Variants in GRM1 observed in about 807,000 individuals in gnomAD.
The protein encoded by GRM1 is glutamate metabotropic receptor 1, also known as metabotropic glutamate receptor 1.
In GRM1, 33 loss-of-function variants were observed where a neutral mutation model predicts 90.9. The ratio of observed to expected loss-of-function variants is 0.36; its 90% CI spans 0.28 to 0.49. The LOEUF (loss-of-function observed/expected upper bound fraction) is 0.49, where lower values mean the gene tolerates loss of function less well. GRM1 is among the 20% of genes least tolerant of loss of function. The pLI is 0.99. For synonymous variants in GRM1, 700 were observed against 613.2 expected (o/e 1.14, Z -2.09); for missense variants, 1,190 against 1,534.3 (o/e 0.78, Z 3.75).
intron 2 of GRM1, among the ~76,000 whole-genome samples, chr6:146,224,424 C>T (rs996085384): frequency 3.3e-5 from 5 of 152,186 alleles, no homozygotes; most frequent in Middle Eastern, 6.8e-3. Flanking sequence ...ACAGAAGGGG[C>T]TTGTAGCTAT....
At chr6:146,099,662 T>C (rs905877957) in intron 1 of GRM1, among the ~76,000 whole-genome samples, 12 of 152,254 alleles carry the variant, frequency 7.9e-5, no homozygotes, top group African/African-American at 2.9e-4. Context: ...ATATGTATTC[T>C]TTTGTGGCTT....
chr6:146,218,448 A>G (rs1779948392), intron 2 of GRM1, among the ~76,000 whole-genome samples: 1 of 152,242 alleles, frequency 6.6e-6, no homozygotes, highest in South Asian at 2.1e-4. Flanking sequence ...TGTTCTCTGA[A>G]GCAAGTTCCT....
At chr6:146,359,963 G>A (rs1775401778) in intron 5 of GRM1, among the ~76,000 whole-genome samples, 1 of 147,362 alleles carries the variant, frequency 6.8e-6, no homozygotes, top group Admixed American at 6.7e-5. Flanking sequence ...TTTCTCATAA[G>A]CACCTTGGGA....
chr6:146,245,117 G>A (rs369486915), intron 2 of GRM1, among the ~76,000 whole-genome samples: 4 of 152,184 alleles, frequency 2.6e-5, no homozygotes, highest in South Asian at 4.1e-4. Flanking sequence ...ACACTTTAAC[G>A]ACTCCCAATG....
intron 2 of GRM1, among the ~76,000 whole-genome samples, chr6:146,260,198 A>G (rs1222712093): frequency 6.7e-6 from 1 of 150,104 alleles, no homozygotes; most frequent in African/African-American, 2.5e-5. Flanking sequence ...TGTGATGTTC[A>G]CCTCCCTGTG....
At chr6:146,186,095 G>GTT (rs111964915) in intron 2 of GRM1, among the ~76,000 whole-genome samples, 314 of 131,194 alleles carry the variant, frequency 2.4e-3, no homozygotes, top group African/African-American at 6.8e-3. Context: ...ATTACAGCTG[G>GTT]TTTTTTTTTT....
At chr6:146,036,638 T>A (rs1464580730) in intron 1 of GRM1, among the ~76,000 whole-genome samples, 2 of 151,966 alleles carry the variant, frequency 1.3e-5, no homozygotes, top group Non-Finnish European at 2.9e-5. Flanking sequence ...AATGTTTTTA[T>A]GAAGAGAATT....
At chr6:146,158,746 A>T (rs1262057220) in intron 1 of GRM1, among the ~76,000 whole-genome samples, 1 of 152,202 alleles carries the variant, frequency 6.6e-6, no homozygotes, top group Non-Finnish European at 1.5e-5. Flanking sequence ...ATGCTATAAA[A>T]CAAAAATCAA....
intron 3 of GRM1, among the ~76,000 whole-genome samples, chr6:146,330,026 A>G (rs1220634518): frequency 6.6e-6 from 1 of 152,158 alleles, no homozygotes; most frequent in East Asian, 1.9e-4. Context: ...GTGTTGATTA[A>G]GTAGGCTTTT....
intron 2 of GRM1, among the ~76,000 whole-genome samples, chr6:146,246,176 T>C (rs1253530907): frequency 6.6e-6 from 1 of 152,226 alleles, no homozygotes; most frequent in African/African-American, 2.4e-5. Flanking sequence ...CTAGCAGTTA[T>C]ACTCCAGAGA....
At chr6:146,177,191 C>T (rs944273981) in intron 2 of GRM1, among the ~76,000 whole-genome samples, 5 of 152,048 alleles carry the variant, frequency 3.3e-5, no homozygotes, top group African/African-American at 1.2e-4. Flanking sequence ...TTATGTCTGA[C>T]CTTTAGTCCA....
At chr6:146,395,974 A>C (rs1277666242) in intron 6 of GRM1, among the ~76,000 whole-genome samples, 2 of 152,132 alleles carry the variant, frequency 1.3e-5, no homozygotes, top group Non-Finnish European at 2.9e-5. Context: ...ATTTGTCTAG[A>C]GCTCCTTGTA....
At chr6:146,165,594 T>C (rs1777877445) in intron 2 of GRM1, among the ~76,000 whole-genome samples, 1 of 152,170 alleles carries the variant, frequency 6.6e-6, no homozygotes, top group Non-Finnish European at 1.5e-5. Flanking sequence ...CTTGGCCTTT[T>C]CTCAGCTCCC....
chr6:146,313,498 A>G (rs1783845387), intron 3 of GRM1, among the ~76,000 whole-genome samples: 1 of 152,158 alleles, frequency 6.6e-6, no homozygotes, highest in Non-Finnish European at 1.5e-5. Context: ...GCATTTTCCC[A>G]TGTCGTCTAA....
chr6:146,030,881 C>A (rs1232989634), intron 1 of GRM1, among the ~76,000 whole-genome samples: 5 of 152,284 alleles, frequency 3.3e-5, no homozygotes, highest in African/African-American at 1.2e-4. Flanking sequence ...GATTCCCTCA[C>A]TCCCCCAAGA....
intron 2 of GRM1, among the ~76,000 whole-genome samples, chr6:146,288,375 A>G (rs777319761): frequency 4.6e-5 from 7 of 152,216 alleles, no homozygotes; most frequent in African/African-American, 7.2e-5. Flanking sequence ...AACTGTGGAA[A>G]GCAAAACTAA....
chr6:146,279,396 G>T (rs1283019926), intron 2 of GRM1, among the ~76,000 whole-genome samples: 1 of 151,978 alleles, frequency 6.6e-6, no homozygotes, highest in African/African-American at 2.4e-5. Context: ...GGTTACTAAA[G>T]TTGAAACACA....
At chr6:146,368,706 T>C (rs1775792261) in intron 5 of GRM1, among the ~76,000 whole-genome samples, 1 of 152,084 alleles carries the variant, frequency 6.6e-6, no homozygotes, top group Non-Finnish European at 1.5e-5. Context: ...TCCCAATGGA[T>C]TGTAGTTAAA....
chr6:146,097,889 C>T (rs1776925050), intron 1 of GRM1, among the ~76,000 whole-genome samples: 1 of 152,210 alleles, frequency 6.6e-6, no homozygotes, highest in African/African-American at 2.4e-5. Flanking sequence ...ATTGCTTATA[C>T]CAGCTTTGCC....
Sources: allele counts gnomAD v4.1 joint callset (sites outside exome capture counted in the v4.1 genomes callset), GRCh38; gene constraint gnomAD v4.1.1; transcripts MANE v1.5; gene names NCBI Gene and HGNC (gene_info 2026-07-23, HGNC 2026-07-21).